INSC: variants seen among roughly 807,000 people sequenced by gnomAD.
The protein encoded by INSC is INSC spindle orientation adaptor protein.
A neutral mutation model predicts 58.6 loss-of-function variants in INSC; 67 were observed. That is an observed-to-expected ratio of 1.14 (90% confidence interval 0.94 to 1.40). The LOEUF is 1.40. INSC is among the 40% of genes most tolerant of loss of function. The pLI, the probability that INSC is intolerant of heterozygous loss-of-function variation, is 0.00. For missense variants in INSC, 714 were observed against 692.0 expected, an observed-to-expected ratio of 1.03 and a Z score of -0.36; for synonymous variants, 262 against 276.1, an observed-to-expected ratio of 0.95 and a Z score of 0.51.
In INSC at chr11:15,225,634, T is replaced by C; in HGVS notation, c.992-16T>C. 2 of 1,607,098 alleles carry C rather than the reference T, an allele frequency of 1.2e-6. No homozygotes were observed. Among genetic ancestry groups the C allele is most frequent in the Non-Finnish European group, 1.7e-6 (2 of 1,175,862 alleles). On this transcript the variant is annotated splice_polypyrimidine_tract_variant and intron_variant, in intron 8 of 12. Transcript: ENST00000379556. ...CACTTGGCACGGAAGTTATTTTCTTTCTCTTTGCCATCCAGAACTGTGCCA... is the reference window on the plus strand; with the variant it reads ...CACTTGGCACGGAAGTTATTTTCTTCCTCTTTGCCATCCAGAACTGTGCCA...
At chr11:15,213,066 C>A (rs915620095) in intron 7 of INSC, among the ~76,000 whole-genome samples, 1 of 152,104 alleles carries the variant, frequency 6.6e-6, no homozygotes, top group Non-Finnish European at 1.5e-5. Flanking sequence ...GAAGGTTGTG[C>A]AACTTCCTTG....
chr11:15,116,377 G>A (rs1027900493), intron 1 of INSC, among the ~76,000 whole-genome samples: 1 of 152,174 alleles, frequency 6.6e-6, no homozygotes, highest in African/African-American at 2.4e-5. Context: ...CTTTGGTTTC[G>A]TTCAACCCTA....
chr11:15,242,636 C>T (rs530694086), intron 12 of INSC, among the ~76,000 whole-genome samples: 28 of 152,254 alleles, frequency 1.8e-4, no homozygotes, highest in Admixed American at 3.9e-4. Context: ...TGAACTGTGC[C>T]GTGATCCTTG....
intron 12 of INSC, among the ~76,000 whole-genome samples, chr11:15,242,963 C>T (rs1852415346): frequency 6.6e-6 from 1 of 152,236 alleles, no homozygotes; most frequent in South Asian, 2.1e-4. Context: ...CTCCCACTCT[C>T]TTACAGCACT....
intron 1 of INSC, among the ~76,000 whole-genome samples, chr11:15,140,698 C>T (rs1822948078): frequency 6.6e-6 from 1 of 151,938 alleles, no homozygotes; most frequent in African/African-American, 2.4e-5. Context: ...CCCACCTCAG[C>T]CTCCCCTGTA....
At chr11:15,133,455 G>T (rs990693510) in intron 1 of INSC, among the ~76,000 whole-genome samples, 1 of 152,162 alleles carries the variant, frequency 6.6e-6, no homozygotes, top group Non-Finnish European at 1.5e-5. Flanking sequence ...CCCCACAACA[G>T]ATAATGTAAA....
the INSC span, among the ~76,000 whole-genome samples, chr11:15,264,329 A>G: frequency 2.3e-4 from 34 of 149,304 alleles, no homozygotes; most frequent in Non-Finnish European, 4.9e-4. Flanking sequence ...GCTGCTGCGT[A>G]TCTCTGACTG....
At chr11:15,113,070 C>G (rs1444324136), upstream of INSC, among the ~76,000 whole-genome samples, 3 of 149,840 alleles carry the variant, frequency 2.0e-5, no homozygotes, top group Non-Finnish European at 3.0e-5. Flanking sequence ...TCCCTCTCTT[C>G]CCTCCCTTCC....
the INSC span, among the ~76,000 whole-genome samples, chr11:15,253,794 G>C: frequency 2.0e-5 from 3 of 152,136 alleles, no homozygotes; most frequent in Non-Finnish European, 4.4e-5. Context: ...GCAGTTTAGG[G>C]CAGGCAGGAG....
At chr11:15,164,956 T>A (rs564915761) in intron 2 of INSC, among the ~76,000 whole-genome samples, 2 of 152,342 alleles carry the variant, frequency 1.3e-5, no homozygotes, top group South Asian at 4.1e-4. Flanking sequence ...TCCCTATCCA[T>A]GTGGAACTGT....
intron 6 of INSC, among the ~76,000 whole-genome samples, chr11:15,194,780 C>T (rs1351656397): frequency 6.6e-6 from 1 of 152,198 alleles, no homozygotes; most frequent in East Asian, 1.9e-4. Flanking sequence ...GAACCCCAGC[C>T]TCTTTAAGTT....
intron 1 of INSC, among the ~76,000 whole-genome samples, chr11:15,145,055 A>C (rs1848459479): frequency 6.6e-6 from 1 of 152,278 alleles, no homozygotes; most frequent in East Asian, 1.9e-4. Context: ...TCACTCCTAC[A>C]TGTGTCCTTT....
intron 1 of INSC, among the ~76,000 whole-genome samples, chr11:15,142,285 G>A (rs896767520): frequency 3.9e-5 from 6 of 152,156 alleles, no homozygotes; most frequent in African/African-American, 1.2e-4. Flanking sequence ...GCATTCCCGT[G>A]CTACTGAGAT....
intron 9 of INSC, chr11:15,235,303 A>G: frequency 4.8e-6 from 2 of 418,984 alleles, no homozygotes; most frequent in South Asian, 4.9e-5. Flanking sequence ...CAGAGCAGAA[A>G]GACAACCGGG....
intron 9 of INSC, among the ~76,000 whole-genome samples, chr11:15,226,804 C>T (rs2133945257): frequency 1.7e-5 from 1 of 60,006 alleles, no homozygotes; most frequent in Middle Eastern, 7.1e-3. Context: ...GCAGTGTTGA[C>T]TTATCTAATG....
At chr11:15,158,419 G>A (rs1200838898) in intron 2 of INSC, among the ~76,000 whole-genome samples, 4 of 151,942 alleles carry the variant, frequency 2.6e-5, no homozygotes, top group Non-Finnish European at 5.9e-5. Flanking sequence ...ATGCCTCTGG[G>A]CCTTTGTACA....
At chr11:15,269,526 G>T in the INSC span, among the ~76,000 whole-genome samples, 5 of 148,028 alleles carry the variant, frequency 3.4e-5, no homozygotes, top group South Asian at 2.2e-4. Flanking sequence ...ATTCCTGATG[G>T]TTTTTTTTTT....
intron 7 of INSC, among the ~76,000 whole-genome samples, chr11:15,206,573 G>C (rs1850807407): frequency 6.6e-6 from 1 of 152,212 alleles, no homozygotes; most frequent in East Asian, 1.9e-4. Context: ...GAGCCACACA[G>C]TCCAGCGAGA....
intron 1 of INSC, among the ~76,000 whole-genome samples, chr11:15,145,630 G>T (rs886118650): frequency 2.0e-5 from 3 of 152,078 alleles, no homozygotes; most frequent in African/African-American, 7.2e-5. Flanking sequence ...GATCCCTTTA[G>T]GGCCTATCTC....
Sources: gnomAD v4.1 joint callset for allele counts (sites outside exome capture counted in the v4.1 genomes callset) on GRCh38, gnomAD v4.1.1 for gene constraint, MANE v1.5 for transcripts, NCBI Gene and HGNC (gene_info 2026-07-23, HGNC 2026-07-21) for gene names.